Variants in SLC24A2 observed in about 807,000 individuals in gnomAD.
The protein encoded by SLC24A2 is sodium/potassium/calcium exchanger 2.
Under a neutral mutation model 62.0 loss-of-function variants are expected in SLC24A2, and 36 were observed. That is an observed-to-expected ratio of 0.58 (90% CI 0.44 to 0.77). The LOEUF is 0.77. SLC24A2 is among the 30% of genes least tolerant of loss of function. SLC24A2 has a pLI of 0.00. For missense variants in SLC24A2, 846 were observed against 817.9 expected, an observed-to-expected ratio of 1.03 and a Z score of -0.42; for synonymous variants, 358 against 294.0, an observed-to-expected ratio of 1.22 and a Z score of -2.23.
chr9:19,783,582 C>A, intron 2 of SLC24A2, among the ~76,000 whole-genome samples: 1 of 152,158 alleles, frequency 6.6e-6, no homozygotes, highest in East Asian at 1.9e-4. Context: ...ACATTAAAAT[C>A]ACATTCAGAG....
chr9:19,648,784 A>T (rs530651014), intron 2 of SLC24A2, among the ~76,000 whole-genome samples: 223 of 152,294 alleles, frequency 1.5e-3, no homozygotes, highest in African/African-American at 5.0e-3. Flanking sequence ...AAAACATTCT[A>T]TAAAAGGGTC....
the SLC24A2 span, among the ~76,000 whole-genome samples, chr9:19,846,519 G>T: frequency 6.6e-6 from 1 of 152,168 alleles, no homozygotes; most frequent in Non-Finnish European, 1.5e-5. Context: ...GACAGCAGAT[G>T]AATGGGTCTT....
At chr9:19,788,248 G>A (rs1000598087) in intron 1 of SLC24A2, among the ~76,000 whole-genome samples, 2 of 152,222 alleles carry the variant, frequency 1.3e-5, no homozygotes, top group Non-Finnish European at 2.9e-5. Flanking sequence ...CCAGGTGGCT[G>A]CGAACGTCAA....
chr9:20,206,904 C>T, the SLC24A2 span, among the ~76,000 whole-genome samples: 1 of 149,590 alleles, frequency 6.7e-6, no homozygotes, highest in Admixed American at 6.7e-5. Context: ...TACGGATCTT[C>T]ATAATATTCC....
the SLC24A2 span, among the ~76,000 whole-genome samples, chr9:19,882,797 C>G: frequency 6.6e-6 from 1 of 152,198 alleles, no homozygotes; most frequent in East Asian, 1.9e-4. Context: ...AAGCAAGCAG[C>G]AAGCAACATT....
At chr9:19,769,816 C>T (rs1482414040) in intron 2 of SLC24A2, among the ~76,000 whole-genome samples, 2 of 151,954 alleles carry the variant, frequency 1.3e-5, no homozygotes, top group East Asian at 3.9e-4. Flanking sequence ...GCACAAAATG[C>T]CTTTTGCTTA....
chr9:19,577,019 C>T lies in SLC24A2; in HGVS notation c.1133G>A (p.Arg378Lys). The T allele has an allele frequency of 6.2e-7, 1 of 1,613,472 alleles. No individual in the cohort carries two copies. Among genetic ancestry groups the T allele is most frequent in the Non-Finnish European group, 8.5e-7 (1 of 1,179,436 alleles). Reference sequence around the variant, plus strand: ...GAGAATTGAAGCCTTTTCTCTGAACCTCCCTGAAGCAAAAGAAAGTGGCAG... The same window carrying T: ...GAGAATTGAAGCCTTTTCTCTGAACTTCCCTGAAGCAAAAGAAAGTGGCAG... ...KYYDTMTEEG[R>K]FREKASILHK... The change falls in exon 6 of 11, where the codon AGG (arginine) becomes AAG (lysine). Residue 378 changes from arginine to lysine, a missense_variant. Arg to Lys is a conservative substitution (Grantham distance 26). Coordinates refer to ENST00000341998, the MANE Select transcript of SLC24A2 (RefSeq NM_020344.4).
At chr9:19,810,610 T>C in the SLC24A2 span, among the ~76,000 whole-genome samples, 1 of 152,218 alleles carries the variant, frequency 6.6e-6, no homozygotes, top group East Asian at 1.9e-4. Flanking sequence ...TAACTTACTT[T>C]AATGTCTGAA....
chr9:20,160,614 CA>C, the SLC24A2 span, among the ~76,000 whole-genome samples: 4 of 150,854 alleles, frequency 2.7e-5, no homozygotes, highest in African/African-American at 4.8e-5. Context: ...ATTAATAAAT[CA>C]AAAAAACCAT....
chr9:19,862,641 A>G, the SLC24A2 span, among the ~76,000 whole-genome samples: 1 of 152,114 alleles, frequency 6.6e-6, no homozygotes, highest in African/African-American at 2.4e-5. Context: ...GTCAAGACAT[A>G]GTACAATAAG....
At chr9:19,516,497 C>A (rs1371865142) in intron 10 of SLC24A2, 95 bp from the exon 11 acceptor site, 1 of 1,431,884 alleles carries the variant, frequency 7.0e-7, no homozygotes, top group Non-Finnish European at 9.6e-7. Context: ...ATTACCTTCT[C>A]AGGAACTCTA....
At chr9:20,306,688 T>C in the SLC24A2 span, among the ~76,000 whole-genome samples, 1 of 152,156 alleles carries the variant, frequency 6.6e-6, no homozygotes, top group Non-Finnish European at 1.5e-5. Flanking sequence ...CTTAATGTTA[T>C]TTTCTTTTTT....
At chr9:19,839,116 T>C in the SLC24A2 span, among the ~76,000 whole-genome samples, 3 of 152,160 alleles carry the variant, frequency 2.0e-5, no homozygotes, top group Non-Finnish European at 4.4e-5. Flanking sequence ...AAGACATTTA[T>C]GCAGCCAAAA....
At chr9:20,074,605 A>AAGGTAG in the SLC24A2 span, among the ~76,000 whole-genome samples, 1 of 52,970 alleles carries the variant, frequency 1.9e-5, no homozygotes, top group East Asian at 4.2e-4. Context: ...AAGGAAGGAA[A>AAGGTAG]GAAGGGAGTG....
chr9:20,258,831 AT>A, the SLC24A2 span, among the ~76,000 whole-genome samples: 2 of 132,030 alleles, frequency 1.5e-5, no homozygotes, highest in South Asian at 2.7e-4. Context: ...CTATCTATCT[AT>A]CTGTCTATCT....
the SLC24A2 span, among the ~76,000 whole-genome samples, chr9:20,125,420 C>A: frequency 3.9e-5 from 6 of 152,286 alleles, no homozygotes; most frequent in African/African-American, 1.4e-4. Context: ...AACATAGGCA[C>A]TTATTTTTAA....
At chr9:20,196,714 C>T in the SLC24A2 span, among the ~76,000 whole-genome samples, 3 of 152,164 alleles carry the variant, frequency 2.0e-5, no homozygotes, top group Admixed American at 6.6e-5. Flanking sequence ...AAAGGATTTG[C>T]ATTTTCCCAC....
At chr9:20,046,322 A>T in the SLC24A2 span, among the ~76,000 whole-genome samples, 2 of 152,246 alleles carry the variant, frequency 1.3e-5, no homozygotes. Context: ...GGACAGGCAG[A>T]CAGGCAGACC....
chr9:20,176,269 A>G, the SLC24A2 span, among the ~76,000 whole-genome samples: 1 of 152,024 alleles, frequency 6.6e-6, no homozygotes. Context: ...TCTGAGTATA[A>G]TATCTTCTGA....
Sources: allele counts gnomAD v4.1 joint callset (sites outside exome capture counted in the v4.1 genomes callset), GRCh38; gene constraint gnomAD v4.1.1; transcripts MANE v1.5; gene names NCBI Gene and HGNC (gene_info 2026-07-23, HGNC 2026-07-21).